The following GABBR2 variants were observed in gnomAD, a reference collection of about 807,000 sequenced individuals.
GABBR2 encodes gamma-aminobutyric acid type B receptor subunit 2.
GABBR2 carries 23 observed loss-of-function variants against 105.6 expected under a neutral mutation model. That is an observed-to-expected ratio of 0.22 (90% CI 0.16 to 0.31). GABBR2 has a LOEUF of 0.31. GABBR2 is among the 10% of genes least tolerant of loss of function. The pLI is 1.00. For missense variants in GABBR2, 734 were observed against 1,245.5 expected (o/e 0.59, Z 6.18); for synonymous variants, 478 against 499.7 (o/e 0.96, Z 0.58).
rs1489335224 is a variant in GABBR2 at position 98,425,407 on chromosome 9, C to CTG, written c.1237-19268_1237-19267dup. Among the ~76,000 whole-genome samples, 3 of 152,192 alleles carry CTG rather than the reference C, an allele frequency of 2.0e-5. No individual in the cohort carries two copies. The South Asian group carries it at 6.2e-4, about 31-fold the overall frequency. On this transcript the variant is annotated intron_variant, in intron 7 of 18. Transcript: ENST00000259455. Reference sequence around the variant, plus strand: ...GGAAACCAACCAGAGTTGAGGAGGTCTGTGCTTGGTACACATGTGTTTGTT... The same window carrying CTG: ...GGAAACCAACCAGAGTTGAGGAGGTCTGTGTGCTTGGTACACATGTGTTTGTT...
intron 13 of GABBR2, among the ~76,000 whole-genome samples, chr9:98,346,790 T>A (rs1207804912): frequency 6.6e-6 from 1 of 151,340 alleles, no homozygotes; most frequent in Non-Finnish European, 1.5e-5. Context: ...ATGAGCTCAG[T>A]TTTTTTTTCT....
At chr9:98,480,450 T>C (rs947501673) in intron 5 of GABBR2, among the ~76,000 whole-genome samples, 1 of 152,182 alleles carries the variant, frequency 6.6e-6, no homozygotes, top group African/African-American at 2.4e-5. Flanking sequence ...GGGAAAATCA[T>C]AGTTGCTTCA....
chr9:98,611,620 T>C (rs1829508697), intron 1 of GABBR2, among the ~76,000 whole-genome samples: 2 of 152,170 alleles, frequency 1.3e-5, no homozygotes, highest in African/African-American at 4.8e-5. Flanking sequence ...GGAAGAGATT[T>C]TCTCTCTTGA....
chr9:98,642,792 C>T (rs949126769), intron 1 of GABBR2, among the ~76,000 whole-genome samples: 7 of 152,170 alleles, frequency 4.6e-5, no homozygotes, highest in African/African-American at 1.7e-4. Context: ...TTATGAAATG[C>T]ACATCTTACT....
Position 98,506,690 on chromosome 9 carries a change from T to C in GABBR2, c.631-10176A>G, listed in dbSNP as rs552785847. Among the ~76,000 whole-genome samples, 7 of 152,282 alleles carry C rather than the reference T, an allele frequency of 4.6e-5. No individual in the cohort carries two copies. The South Asian group carries it at 1.2e-3, about 27-fold the overall frequency. On this transcript the variant is annotated intron_variant, in intron 3 of 18. Transcript: ENST00000259455. Reference sequence around the variant, plus strand: ...GGGCCTGAGGGCAGCTGGAGTTCCCTGGGGACAGTTCCCTGCCTCTCTCAC... The same window carrying C: ...GGGCCTGAGGGCAGCTGGAGTTCCCCGGGGACAGTTCCCTGCCTCTCTCAC...
intron 1 of GABBR2, among the ~76,000 whole-genome samples, chr9:98,685,511 T>C (rs911899409): frequency 2.0e-5 from 3 of 152,234 alleles, no homozygotes; most frequent in African/African-American, 4.8e-5. Flanking sequence ...AATAAGGGCA[T>C]GAATGATGCT....
rs570487406 is a variant in GABBR2, at chr9:98,620,739, C to T, written c.322-42667G>A. Among the ~76,000 whole-genome samples the T allele has an allele frequency of 2.6e-5, 4 of 152,246 alleles. No homozygotes were observed. In the East Asian group the frequency reaches 5.8e-4, roughly 22 times the overall value. On this transcript the variant is annotated intron_variant, in intron 1 of 18. Coordinates refer to ENST00000259455, the MANE Select transcript of GABBR2 (RefSeq NM_005458.8). ...AGATGTTTTCATTATCTGTAATTGACGGCTTGCCCTGGCCCATCTCAGCAC... is the reference window on the plus strand; with the variant it reads ...AGATGTTTTCATTATCTGTAATTGATGGCTTGCCCTGGCCCATCTCAGCAC...
chr9:98,681,994 G>A (rs770740571), intron 1 of GABBR2, among the ~76,000 whole-genome samples: 3 of 152,122 alleles, frequency 2.0e-5, no homozygotes, highest in African/African-American at 4.8e-5. Context: ...TCCCACTTTG[G>A]GGGGTGGAGA....
intron 6 of GABBR2, among the ~76,000 whole-genome samples, chr9:98,464,707 A>G (rs1015610045): frequency 1.3e-5 from 2 of 152,060 alleles, no homozygotes; most frequent in African/African-American, 4.8e-5. Flanking sequence ...AGAAAGAGAG[A>G]TCAGATTGTT....
chr9:98,660,139 C>T (rs766327321), intron 1 of GABBR2, among the ~76,000 whole-genome samples: 1 of 152,082 alleles, frequency 6.6e-6, no homozygotes, highest in South Asian at 2.1e-4. Context: ...AATATTTATT[C>T]AATCAATTCT....
At chr9:98,503,713 G>A (rs748725347) in intron 3 of GABBR2, among the ~76,000 whole-genome samples, 9 of 152,162 alleles carry the variant, frequency 5.9e-5, no homozygotes, top group Non-Finnish European at 5.9e-5. Flanking sequence ...CAGTTTCCAT[G>A]GTGAGGAATG....
intron 1 of GABBR2, among the ~76,000 whole-genome samples, chr9:98,612,727 G>A (rs1488424477): frequency 1.3e-5 from 2 of 152,144 alleles, no homozygotes; most frequent in Non-Finnish European, 2.9e-5. Flanking sequence ...TCTCAGGGGG[G>A]AAAAAACCAC....
chr9:98,374,647 C>T (rs62576561), intron 11 of GABBR2, among the ~76,000 whole-genome samples: 10,087 of 152,302 alleles, frequency 0.066, 453 homozygotes, highest in Non-Finnish European at 0.095. Flanking sequence ...GGCGTGTCAT[C>T]TCTAATGTGC....
At chr9:98,686,482 C>T (rs1192743546) in intron 1 of GABBR2, among the ~76,000 whole-genome samples, 5 of 152,114 alleles carry the variant, frequency 3.3e-5, no homozygotes, top group African/African-American at 4.8e-5. Flanking sequence ...CTGCAACCTT[C>T]GCCTCCCAGT....
intron 13 of GABBR2, among the ~76,000 whole-genome samples, chr9:98,331,554 C>T (rs1831026717): frequency 1.3e-5 from 2 of 152,044 alleles, no homozygotes; most frequent in Non-Finnish European, 1.5e-5. Context: ...CTGGGGGAGT[C>T]CTGAGATCAG....
chr9:98,576,099 C>T (rs528497949), intron 2 of GABBR2, among the ~76,000 whole-genome samples: 1 of 152,362 alleles, frequency 6.6e-6, no homozygotes, highest in African/African-American at 2.4e-5. Flanking sequence ...TTGTGCCCAC[C>T]ACCCCTCGTG....
chr9:98,552,330 G>A (rs543763382), intron 2 of GABBR2, among the ~76,000 whole-genome samples: 3 of 152,226 alleles, frequency 2.0e-5, no homozygotes, highest in African/African-American at 4.8e-5. Flanking sequence ...CTTTTTCCAC[G>A]ACTTTGCTGA....
chr9:98,527,598 C>T (rs976948674), intron 3 of GABBR2, among the ~76,000 whole-genome samples: 1 of 152,022 alleles, frequency 6.6e-6, no homozygotes, highest in African/African-American at 2.4e-5. Flanking sequence ...AACTAGATCC[C>T]ATTCCCCAAA....
chr9:98,306,072 G>A lies in GABBR2; in HGVS notation c.2229+49C>T. 1 of 1,250,556 alleles carries A rather than the reference G, an allele frequency of 8.0e-7. No homozygotes were observed. The highest frequency in any genetic ancestry group is 1.2e-6 in the Non-Finnish European group (1 of 855,184). The allele number at this position is 1,250,556 out of a possible 1,614,324, so 77.5% of individuals were successfully genotyped here. Reference sequence around the variant, plus strand: ...ATGGAGAAAAGCCAGCAATGCCCCTGTGCTGGAGTCAGAGGGCAGAGGCCA... The same window carrying A: ...ATGGAGAAAAGCCAGCAATGCCCCTATGCTGGAGTCAGAGGGCAGAGGCCA... On this transcript the variant is annotated intron_variant, in intron 15 of 18. Coordinates refer to ENST00000259455, the MANE Select transcript of GABBR2 (RefSeq NM_005458.8). The surrounding 1 kb of genome is among the most constrained non-coding windows in gnomAD (Gnocchi z 5.4).
Sources: allele counts gnomAD v4.1 joint callset (sites outside exome capture counted in the v4.1 genomes callset), GRCh38; gene constraint gnomAD v4.1.1; non-coding constraint Gnocchi (gnomAD v3.1); transcripts MANE v1.5; gene names NCBI Gene and HGNC (gene_info 2026-07-23, HGNC 2026-07-21).